The following CELF2 variants were observed in gnomAD, a reference collection of about 807,000 sequenced individuals.
CELF2 encodes the protein CUG triplet repeat RNA-binding protein 2.
Under a neutral mutation model 62.6 loss-of-function variants are expected in CELF2, and 8 were observed. The observed-to-expected ratio is 0.13, with a 90% CI of 0.07 to 0.23. The LOEUF (loss-of-function observed/expected upper bound fraction) is 0.23. CELF2 is among the 10% of genes least tolerant of loss of function. The pLI, the probability that CELF2 is intolerant of heterozygous loss-of-function variation, is 1.00. For missense variants in CELF2, 333 were observed against 671.0 expected (o/e 0.50, Z 5.56); for synonymous variants, 258 against 250.0 (o/e 1.03, Z -0.30).
At chr10:11,036,111 G>A (rs1157542287) in intron 1 of CELF2, among the ~76,000 whole-genome samples, 6 of 152,130 alleles carry the variant, frequency 3.9e-5, no homozygotes, top group Non-Finnish European at 7.4e-5. Flanking sequence ...CTGTACTTAA[G>A]CATCAGCCAG....
the CELF2 span, among the ~76,000 whole-genome samples, chr10:10,637,793 C>T: frequency 8.5e-5 from 13 of 152,242 alleles, no homozygotes; most frequent in Non-Finnish European, 1.6e-4. Flanking sequence ...TTGTCAGCCC[C>T]GTTTGGTCCT....
chr10:10,536,903 G>C, the CELF2 span, among the ~76,000 whole-genome samples: 1 of 152,226 alleles, frequency 6.6e-6, no homozygotes, highest in African/African-American at 2.4e-5. Flanking sequence ...TTGTGGACAA[G>C]AAGCAGACCT....
chr10:11,199,093 A>G (rs1002934659), intron 2 of CELF2, among the ~76,000 whole-genome samples: 1 of 152,180 alleles, frequency 6.6e-6, no homozygotes, highest in East Asian at 1.9e-4. Context: ...AGGATGGCAT[A>G]CAATTGTATG....
At chr10:10,500,549 C>A in the CELF2 span, among the ~76,000 whole-genome samples, 1 of 152,136 alleles carries the variant, frequency 6.6e-6, no homozygotes, top group Non-Finnish European at 1.5e-5. Flanking sequence ...CCATGTAAGA[C>A]ATGCCTTTTG....
chr10:10,465,400 A>G, the CELF2 span, among the ~76,000 whole-genome samples: 14 of 152,182 alleles, frequency 9.2e-5, no homozygotes, highest in Admixed American at 7.9e-4. Flanking sequence ...ATTGGGATCA[A>G]GAAAAGTTGT....
At chr10:11,125,047 C>T (rs1434232201) in intron 1 of CELF2, among the ~76,000 whole-genome samples, 1 of 152,200 alleles carries the variant, frequency 6.6e-6, no homozygotes, top group Admixed American at 6.5e-5. Context: ...GTCTACGTGA[C>T]TTCCTTTCTA....
intron 2 of CELF2, among the ~76,000 whole-genome samples, chr10:10,987,828 G>A (rs2052958420): frequency 1.3e-5 from 2 of 152,056 alleles, no homozygotes; most frequent in African/African-American, 2.4e-5. Context: ...CTCAAAAGAA[G>A]ATATACAAAC....
chr10:10,595,860 C>T, the CELF2 span, among the ~76,000 whole-genome samples: 1 of 152,070 alleles, frequency 6.6e-6, no homozygotes, highest in Non-Finnish European at 1.5e-5. Flanking sequence ...GGCGCCACTG[C>T]ACTCCAGCCT....
the CELF2 span, among the ~76,000 whole-genome samples, chr10:10,661,061 T>A: frequency 6.6e-6 from 1 of 152,358 alleles, no homozygotes; most frequent in South Asian, 2.1e-4. Flanking sequence ...ATAATTTACA[T>A]ACAGTGAGAT....
chr10:11,058,607 C>T (rs999534811), intron 1 of CELF2, among the ~76,000 whole-genome samples: 3 of 151,496 alleles, frequency 2.0e-5, no homozygotes, highest in Non-Finnish European at 2.9e-5. Context: ...GCTGGGATTA[C>T]AGGCATGCAC....
the CELF2 span, among the ~76,000 whole-genome samples, chr10:10,717,872 C>T: frequency 6.6e-6 from 1 of 152,028 alleles, no homozygotes; most frequent in East Asian, 1.9e-4. Context: ...TATTAATTTT[C>T]TGGGAAAATT....
At chr10:10,688,447 C>A in the CELF2 span, among the ~76,000 whole-genome samples, 17 of 152,192 alleles carry the variant, frequency 1.1e-4, no homozygotes, top group Admixed American at 5.2e-4. Context: ...GACCCAGCCT[C>A]CTCCATTTAG....
chr10:10,470,843 G>C, the CELF2 span, among the ~76,000 whole-genome samples: 1 of 150,190 alleles, frequency 6.7e-6, no homozygotes, highest in Non-Finnish European at 1.5e-5. Flanking sequence ...GACAGCTTTG[G>C]GAATCCATTC....
At chr10:10,687,930 C>T in the CELF2 span, among the ~76,000 whole-genome samples, 11 of 152,196 alleles carry the variant, frequency 7.2e-5, no homozygotes, top group African/African-American at 2.7e-4. Context: ...GAGCAGAGAG[C>T]AAAATGCTGT....
chr10:10,761,463 G>C, the CELF2 span, among the ~76,000 whole-genome samples: 6 of 152,298 alleles, frequency 3.9e-5, no homozygotes, highest in South Asian at 1.2e-3. Context: ...ACTTCACTGG[G>C]CCACAGGGTA....
chr10:11,162,571 G>A (rs999826430), intron 1 of CELF2, among the ~76,000 whole-genome samples: 8 of 150,544 alleles, frequency 5.3e-5, no homozygotes, highest in Non-Finnish European at 1.0e-4. Flanking sequence ...CTATGTGACT[G>A]AGTAAATGTA....
the CELF2 span, among the ~76,000 whole-genome samples, chr10:10,685,066 A>AG: frequency 6.6e-6 from 1 of 152,254 alleles, no homozygotes; most frequent in African/African-American, 2.4e-5. Flanking sequence ...AGGGCTTCAA[A>AG]GGGTTGTCAG....
At chr10:10,627,714 C>T in the CELF2 span, among the ~76,000 whole-genome samples, 1 of 152,166 alleles carries the variant, frequency 6.6e-6, no homozygotes, top group South Asian at 2.1e-4. Context: ...AGCAGCCCCT[C>T]CTGGCTCTTT....
At chr10:10,484,373 G>A in the CELF2 span, among the ~76,000 whole-genome samples, 4 of 110,910 alleles carry the variant, frequency 3.6e-5, no homozygotes, top group African/African-American at 1.5e-4. Flanking sequence ...CTGGAGTGCA[G>A]TGGTGCAATC....
Sources: allele counts gnomAD v4.1 joint callset (sites outside exome capture counted in the v4.1 genomes callset), GRCh38; gene constraint gnomAD v4.1.1; transcripts MANE v1.5; gene names NCBI Gene and HGNC (gene_info 2026-07-23, HGNC 2026-07-21).